The following ROCK1 variants were observed in gnomAD, a reference collection of about 807,000 sequenced individuals.
ROCK1 encodes rho-associated protein kinase 1.
Under a neutral mutation model 196.8 loss-of-function variants are expected in ROCK1, and 36 were observed. The ratio of observed to expected loss-of-function variants is 0.18; its 90% CI spans 0.14 to 0.24. The LOEUF is 0.24. Ranked by LOEUF, ROCK1 falls within the 10% of genes least tolerant of loss-of-function variation. The pLI, the probability that ROCK1 is intolerant of heterozygous loss-of-function variation, is 1.00. For synonymous variants in ROCK1, 443 were observed against 515.9 expected (o/e 0.86, Z 1.91); for missense variants, 920 against 1,562.0 (o/e 0.59, Z 6.93).
chr18:21,037,729 C>A (rs2036069369), intron 9 of ROCK1, among the ~76,000 whole-genome samples: 1 of 152,022 alleles, frequency 6.6e-6, no homozygotes, highest in Admixed American at 6.5e-5. Flanking sequence ...GGAGGTACAG[C>A]AATATAATAA....
At chr18:21,098,941 ATTG>A (rs2036634491) in intron 1 of ROCK1, among the ~76,000 whole-genome samples, 1 of 152,242 alleles carries the variant, frequency 6.6e-6, no homozygotes, top group Non-Finnish European at 1.5e-5. Context: ...CTTACAACAT[ATTG>A]TTGGTGAGGA....
intron 9 of ROCK1, 35 bp from the exon 10 acceptor site, chr18:21,028,970 A>G (rs1340351437): frequency 6.3e-7 from 1 of 1,590,314 alleles, no homozygotes; most frequent in African/African-American, 1.4e-5. Context: ...TTCACTTCAA[A>G]CTTAAAATAC....
chr18:21,085,693 G>T (rs962132016), intron 1 of ROCK1, among the ~76,000 whole-genome samples: 1 of 152,298 alleles, frequency 6.6e-6, no homozygotes, highest in Non-Finnish European at 1.5e-5. Flanking sequence ...TACTTCTACA[G>T]AAATGGCATC....
chr18:21,058,018 ATATT>A (rs945169211), intron 2 of ROCK1, among the ~76,000 whole-genome samples: 1 of 152,182 alleles, frequency 6.6e-6, no homozygotes, highest in Non-Finnish European at 1.5e-5. Flanking sequence ...ATTGTGTTGA[ATATT>A]TAATTACATA....
intron 14 of ROCK1, among the ~76,000 whole-genome samples, chr18:21,007,584 G>A (rs780399846): frequency 6.6e-6 from 1 of 152,142 alleles, no homozygotes; most frequent in African/African-American, 2.4e-5. Flanking sequence ...TTATGGAAGT[G>A]AAATTACTGC....
At chr18:21,055,675 G>A (rs563893838) in intron 2 of ROCK1, among the ~76,000 whole-genome samples, 21 of 151,814 alleles carry the variant, frequency 1.4e-4, no homozygotes, top group African/African-American at 4.8e-4. Context: ...CCTCCTAACC[G>A]GATCCCACCA....
intron 5 of ROCK1, chr18:21,045,062 T>G (rs2143509805): frequency 7.8e-6 from 2 of 258,046 alleles, no homozygotes; most frequent in Non-Finnish European, 7.3e-6. Context: ...GGTTTCACCA[T>G]GTTGTCCAGG....
chr18:20,951,489 T>A, intron 32 of ROCK1, 102 bp from the exon 33 acceptor site: 1 of 849,754 alleles, frequency 1.2e-6, no homozygotes, highest in South Asian at 2.7e-5. Flanking sequence ...TATCTTTACA[T>A]AAAATAATTA....
intron 24 of ROCK1, 113 bp from the exon 25 acceptor site, chr18:20,968,973 G>A: frequency 1.1e-6 from 1 of 911,466 alleles, no homozygotes; most frequent in Non-Finnish European, 1.7e-6. Context: ...GTAACTTTCA[G>A]TAACTTCATT....
intron 9 of ROCK1, among the ~76,000 whole-genome samples, chr18:21,035,868 TA>T (rs2036052642): frequency 6.6e-6 from 1 of 152,208 alleles, no homozygotes; most frequent in Non-Finnish European, 1.5e-5. Context: ...CCCTGAGTAG[TA>T]GTCTAATTCA....
chr18:20,999,657 C>T (rs547052679), intron 16 of ROCK1, among the ~76,000 whole-genome samples: 46 of 152,242 alleles, frequency 3.0e-4, no homozygotes, highest in East Asian at 9.6e-4. Flanking sequence ...TTTAAAAGAT[C>T]TAAATAAATG....
At chr18:21,047,023 A>G (rs1327791286) in intron 4 of ROCK1, among the ~76,000 whole-genome samples, 1 of 152,128 alleles carries the variant, frequency 6.6e-6, no homozygotes, top group African/African-American at 2.4e-5. Flanking sequence ...AGAGAGAAGG[A>G]TAAGAAACAA....
chr18:21,057,317 C>A (rs574492517), intron 2 of ROCK1, among the ~76,000 whole-genome samples: 80 of 152,246 alleles, frequency 5.3e-4, no homozygotes, highest in African/African-American at 1.9e-3. Flanking sequence ...TAAATAGGAA[C>A]CACAGTCTTG....
At chr18:21,019,897 T>C (rs902663312) in intron 12 of ROCK1, among the ~76,000 whole-genome samples, 2 of 139,458 alleles carry the variant, frequency 1.4e-5, no homozygotes, top group Non-Finnish European at 3.1e-5. Context: ...TTTCATGAAT[T>C]AAAAAAAAAA....
At chr18:21,089,196 T>G in intron 1 of ROCK1, among the ~76,000 whole-genome samples, 1 of 152,016 alleles carries the variant, frequency 6.6e-6, no homozygotes, top group East Asian at 1.9e-4. Flanking sequence ...TAGCTGGGAT[T>G]ACAGGGGCAC....
chr18:21,042,464 A>G, intron 7 of ROCK1, 101 bp downstream of exon 7: 1 of 1,300,148 alleles, frequency 7.7e-7, no homozygotes, highest in Non-Finnish European at 1.0e-6. Flanking sequence ...CCACAAATAA[A>G]ATCAAGATTG....
chr18:20,979,751 A>G (rs577735440), intron 22 of ROCK1, among the ~76,000 whole-genome samples, 159 bp downstream of exon 22: 36 of 152,326 alleles, frequency 2.4e-4, no homozygotes, highest in African/African-American at 8.7e-4. Context: ...TTTTCACCAT[A>G]AAGGCAAATT....
Position 20,992,851 on chromosome 18 carries a change from T to C in ROCK1, c.1972A>G (p.Met658Val). 1 of 1,602,884 alleles carries C rather than the reference T, an allele frequency of 6.2e-7. No individual in the cohort carries two copies. Among genetic ancestry groups the C allele is most frequent in the Middle Eastern group, 1.7e-4 (1 of 6,028 alleles). ...TTTACCTTTTCTGAGTGATTAAGCA[T>C]GTCTTGAGCCTCTTTTCTTTCTCCT... ...VEGERKEAQD[M>V]LNHSEKEKNN... The change falls in exon 17 of 33, where the codon ATG (methionine) becomes GTG (valine). Residue 658 changes from methionine (M) to valine (V), a missense_variant. Transcript: ENST00000399799.
chr18:21,072,584 A>G (rs2036394901), intron 1 of ROCK1, among the ~76,000 whole-genome samples: 1 of 152,232 alleles, frequency 6.6e-6, no homozygotes, highest in Non-Finnish European at 1.5e-5. Context: ...ACACTTCCTA[A>G]AAGTCCAAAT....
Sources: allele counts gnomAD v4.1 joint callset (sites outside exome capture counted in the v4.1 genomes callset), GRCh38; gene constraint gnomAD v4.1.1; transcripts MANE v1.5; gene names NCBI Gene and HGNC (gene_info 2026-07-23, HGNC 2026-07-21).